NKTR: variants seen among roughly 807,000 people sequenced by gnomAD.
NKTR encodes NK-tumor recognition protein.
In NKTR, 67 loss-of-function variants were observed where a neutral mutation model predicts 156.3. The ratio of observed to expected loss-of-function variants is 0.43; its 90% CI spans 0.35 to 0.53. The LOEUF (loss-of-function observed/expected upper bound fraction) is 0.53, where lower values mean the gene tolerates loss of function less well. NKTR is among the 20% of genes least tolerant of loss of function. The pLI, the probability that NKTR is intolerant of heterozygous loss-of-function variation, is 0.01. For synonymous variants in NKTR, 640 were observed against 596.6 expected (o/e 1.07, Z -1.06); for missense variants, 1,604 against 1,730.9 (o/e 0.93, Z 1.30).
Position 42,633,600 on chromosome 3 carries a change from C to A in NKTR, c.794C>A (p.Thr265Asn), listed in dbSNP as rs775156454. 1.9e-6 allele frequency: 3 copies of A among 1,613,756 alleles called. No individual in the cohort carries two copies. The Admixed American group carries it at 5.0e-5, about 27-fold the overall frequency. Residue 265 changes from threonine to asparagine, a missense_variant, in exon 10 of 17, where the codon ACC becomes AAC. By Grantham distance (65) the Thr-to-Asn change is moderately conservative. Transcript: ENST00000232978. The part of the protein sequence containing the change: ...NPKGHSERSD[T>N]NEKRSVDSSA... ...CTAAGTCACTCTGAGAGGAGTGATACCAATGAAAAAAGGTCAGTTGATTCC... is the reference window on the plus strand; with the variant it reads ...CTAAGTCACTCTGAGAGGAGTGATAACAATGAAAAAAGGTCAGTTGATTCC...
rs1195218544 is a variant in NKTR at position 42,639,001 on chromosome 3, G to A, written c.3297G>A (p.Glu1099=). 2.5e-6 allele frequency: 4 copies of A among 1,613,476 alleles called. No individual in the cohort carries two copies. Among genetic ancestry groups the A allele is most frequent in the Non-Finnish European group, 3.4e-6 (4 of 1,179,786 alleles). The part of the protein sequence containing the change: ...LSISPTALNT[E]ENVACLQNIQ... The stretch of plus-strand genomic sequence containing the variant: ...TTTCTCCCACAGCTTTAAATACTGA[G>A]GAAAATGTGGCCTGTTTACAAAACA... The change falls in exon 13 of 17, where the codon GAG becomes GAA. Residue 1099 remains glutamate (E), a synonymous_variant. Transcript: ENST00000232978.
rs762001448 is a variant in NKTR, at chr3:42,621,461, T to C, written c.319T>C (p.Phe107Leu). The C allele has an allele frequency of 6.2e-7, 1 of 1,609,732 alleles. No homozygotes were observed. The highest frequency in any genetic ancestry group is 2.2e-5 in the East Asian group (1 of 44,642). The change falls in exon 6 of 17, where the codon TTC becomes CTC. Residue 107 changes from phenylalanine to leucine, a missense_variant. This residue lies in a region of NKTR where 61 missense variants were observed against 113.3 expected (regional missense o/e 0.54). Coordinates refer to ENST00000232978, the MANE Select transcript of NKTR (RefSeq NM_005385.4). ...CTTTATTCTCAAACATGACAGAGCG[T>C]TCCTTTTATCAATGGCAAATCGAGG... ...ENFILKHDRA[F>L]LLSMANRGKH...
Position 42,639,741 on chromosome 3 carries a change from C to A in NKTR, c.4037C>A (p.Ser1346Ter). 6.2e-7 allele frequency: 1 copy of A among 1,602,194 alleles called. No homozygotes were observed. The highest frequency in any genetic ancestry group is 1.1e-5 in the South Asian group (1 of 89,934). Residue 1346 changes from serine (S) to a stop codon, truncating the protein, a stop_gained, in exon 13 of 17, where the codon TCA becomes TAA. Coordinates refer to ENST00000232978, the MANE Select transcript of NKTR (RefSeq NM_005385.4). LOFTEE classifies it high-confidence loss of function. ...AGAAGTCGATCGAGAAGTTCCACAT[C>A]ATCTTATCGGTGAGCAATATTCTCT... is the stretch of plus-strand genomic sequence containing the variant. ...HSRSRSRSST[S>*]SYRSRSYSRS...
chr3:42,621,372 ATTACT>A lies in NKTR; in HGVS notation c.287-53_287-49del, dbSNP rs1203881837. 4 of 1,562,076 alleles carry A rather than the reference ATTACT, an allele frequency of 2.6e-6. No individual in the cohort carries two copies. In the African/African-American group the frequency reaches 4.2e-5, roughly 16 times the overall value. ...TTTGCTTTCTATTTATTACTTGAAC[ATTACT>A]TTAAAGTGACTTATAATTGGAGACT... On this transcript the variant is annotated intron_variant, in intron 5 of 16. Transcript: ENST00000232978.
intron 8 of NKTR, among the ~76,000 whole-genome samples, chr3:42,631,865 G>GCCAA (rs1384252658): frequency 2.0e-5 from 3 of 151,916 alleles, no homozygotes; most frequent in Non-Finnish European, 4.4e-5. Flanking sequence ...TTTCAGACAT[G>GCCAA]CCAACCACTC....
rs770047537 is a variant in NKTR at position 42,638,127 on chromosome 3, C to T, written c.2423C>T (p.Ser808Phe). Residue 808 changes from serine to phenylalanine, a missense_variant, in exon 13 of 17, where the codon TCT (serine) becomes TTT (phenylalanine). By Grantham distance (155) the Ser-to-Phe change is radical. This residue lies in a region of NKTR where 1,255 missense variants were observed against 1,243.7 expected (regional missense o/e 1.01). Transcript: ENST00000232978. ...GAGAGCAGATCATCTTTAGATTATT[C>T]TTCAGACAGTGAGCAGTCAAGTGTT... ...YSESRSSLDY[S>F]SDSEQSSVQA... 6.2e-7 allele frequency: 1 copy of T among 1,613,836 alleles called. No homozygotes were observed. Among genetic ancestry groups the T allele is most frequent in the Non-Finnish European group, 8.5e-7 (1 of 1,179,956 alleles).
rs1709299808 is a variant in NKTR, at chr3:42,635,326, T to C, written c.1123T>C (p.Tyr375His). The C allele has an allele frequency of 1.9e-6, 3 of 1,613,006 alleles. No individual in the cohort carries two copies. Among genetic ancestry groups the C allele is most frequent in the South Asian group, 2.2e-5 (2 of 91,000 alleles). ...WKEEMQRLRA[Y>H]RPPSGEKWSK... is the part of the protein sequence containing the mutation. ...AGAGGAAATGCAGAGATTAAGAGCA[T>C]ATAGACCACCTAGTGGAGAAAAATG... Residue 375 changes from tyrosine (Y) to histidine (H), a missense_variant, in exon 12 of 17, where the codon TAT becomes CAT. Physicochemically the swap from Tyr to His is moderately conservative, Grantham distance 83. Around this residue, in one of 6 missense-constraint regions of NKTR, gnomAD observed 1,255 missense variants for 1,243.7 expected, o/e 1.01. Transcript: ENST00000232978.
intron 5 of NKTR, chr3:42,620,543 CTT>C (rs1707814667): frequency 1.3e-5 from 13 of 984,752 alleles, no homozygotes; most frequent in Non-Finnish European, 1.6e-5. Flanking sequence ...GATTACTACT[CTT>C]TTTCAGAAGC....
chr3:42,638,982 C>T lies in NKTR; in HGVS notation c.3278C>T (p.Pro1093Leu). ...GATGATAGTAAACTCAGTATTTCTC[C>T]CACAGCTTTAAATACTGAGGAAAAT... is the stretch of plus-strand genomic sequence containing the variant. ...TKDDSKLSISPTALNTEENVA... is the reference protein window; with the variant it reads ...TKDDSKLSISLTALNTEENVA... The change falls in exon 13 of 17, where the codon CCC becomes CTC. Residue 1093 changes from proline (P) to leucine (L), a missense_variant. Pro to Leu is a moderately conservative substitution (Grantham distance 98). This residue lies in a region of NKTR where 1,255 missense variants were observed against 1,243.7 expected (regional missense o/e 1.01). Transcript: ENST00000232978. 6.2e-7 allele frequency: 1 copy of T among 1,613,280 alleles called. No individual in the cohort carries two copies. Among genetic ancestry groups the T allele is most frequent in the Non-Finnish European group, 8.5e-7 (1 of 1,179,690 alleles).
chr3:42,619,402 G>C, intron 4 of NKTR: 1 of 1,235,340 alleles, frequency 8.1e-7, no homozygotes, highest in Non-Finnish European at 1.1e-6. Flanking sequence ...CTGTCTGATT[G>C]CTTTTGTTCT....
intron 16 of NKTR, 105 bp from the exon 17 acceptor site, chr3:42,645,783 A>C (rs543071998): frequency 1.1e-4 from 69 of 646,940 alleles, no homozygotes; most frequent in Non-Finnish European, 1.7e-4. Context: ...TGGCTTGAAA[A>C]CACTATTGAT....
intron 13 of NKTR, among the ~76,000 whole-genome samples, 183 bp downstream of exon 13, chr3:42,639,933 AT>A (rs1445118209): frequency 2.2e-5 from 3 of 134,776 alleles, no homozygotes; most frequent in African/African-American, 9.8e-5. Flanking sequence ...AGGAGGAGAA[AT>A]TTGGGCTGGG....
intron 6 of NKTR, chr3:42,629,129 A>G (rs572587045): frequency 2.6e-5 from 25 of 978,826 alleles, no homozygotes; most frequent in African/African-American, 1.4e-4. Flanking sequence ...GCACATTTCT[A>G]TCTTGAAGTT....
chr3:42,618,858 G>A (rs556801752), intron 3 of NKTR, among the ~76,000 whole-genome samples, 162 bp from the exon 4 acceptor site: 1 of 151,988 alleles, frequency 6.6e-6, no homozygotes, highest in East Asian at 1.9e-4. Flanking sequence ...TTTGGTTTGC[G>A]TGCATGTGTG....
At position 42,638,931 on chromosome 3, in the gene NKTR, C is replaced by T; in HGVS notation, c.3227C>T (p.Ser1076Leu). The T allele has an allele frequency of 1.9e-6, 3 of 1,612,874 alleles. No individual in the cohort carries two copies. The highest frequency in any genetic ancestry group is 2.5e-6 in the Non-Finnish European group (3 of 1,178,962). ...GGTAAACATGATACAGTGACTGTTT[C>T]ATCAGATCTTGATCAGTTTACTAAA... Reference protein sequence around the residue: ...LSGKHDTVTVSSDLDQFTKDD... With the variant: ...LSGKHDTVTVLSDLDQFTKDD... The change falls in exon 13 of 17, where the codon TCA becomes TTA. Residue 1076 changes from serine (S) to leucine (L), a missense_variant. This residue lies in a region of NKTR where 1,255 missense variants were observed against 1,243.7 expected (regional missense o/e 1.01). Transcript: ENST00000232978.
chr3:42,611,191 T>G (rs1453613397), intron 2 of NKTR: 3 of 152,166 alleles, frequency 2.0e-5, no homozygotes, highest in Non-Finnish European at 2.9e-5. Flanking sequence ...CATAACTACA[T>G]GAGCCAGTAA....
rs750579883 is a variant in NKTR at position 42,619,728 on chromosome 3, G to A, written c.286+20G>A. 16 of 1,606,868 alleles carry A rather than the reference G, an allele frequency of 1.0e-5. No homozygotes were observed. Among genetic ancestry groups the A allele is most frequent in the Middle Eastern group, 1.7e-4 (1 of 6,058 alleles). ...TTAAAGGTAAGGCTTAATATTTTAC[G>A]GTCTTTTGTTTCAGTTCTGATATTA... On this transcript the variant is annotated intron_variant, in intron 5 of 16. Transcript: ENST00000232978.
At chr3:42,631,461 C>T in intron 8 of NKTR, 145 bp downstream of exon 8, 1 of 927,440 alleles carries the variant, frequency 1.1e-6, no homozygotes, top group Non-Finnish European at 1.6e-6. Context: ...AATCTTTTAG[C>T]ATATCTTGTC....
chr3:42,600,927 TGCCCTCGCCCCC>T (rs1215636019), intron 1 of NKTR, 45 bp from the exon 2 acceptor site: 14 of 1,006,576 alleles, frequency 1.4e-5, no homozygotes, highest in African/African-American at 8.4e-5. Context: ...CCCTCGCCCC[TGCCCTCGCCCCC>T]GCCCTCGCCC....
Sources: allele counts gnomAD v4.1 joint callset (sites outside exome capture counted in the v4.1 genomes callset), GRCh38; gene constraint gnomAD v4.1.1; regional missense constraint gnomAD v4.1.1; transcripts MANE v1.5; gene names NCBI Gene and HGNC (gene_info 2026-07-23, HGNC 2026-07-21).